Variants in SV2C observed in about 807,000 individuals in gnomAD.
SV2C encodes synaptic vesicle glycoprotein 2C, also known as solute carrier family 22 member B3.
In SV2C, 49 loss-of-function variants were observed where a neutral mutation model predicts 79.7. That is an observed-to-expected ratio of 0.61 (90% CI 0.49 to 0.78). The LOEUF (loss-of-function observed/expected upper bound fraction) is 0.78, where lower values mean the gene tolerates loss of function less well. Among genes scored for constraint, SV2C ranks in the 30% least tolerant of loss-of-function variants. The pLI, the probability that SV2C is intolerant of heterozygous loss-of-function variation, is 0.00. For missense variants in SV2C, 833 were observed against 912.9 expected (o/e 0.91, Z 1.13); for synonymous variants, 334 against 333.2 (o/e 1.00, Z -0.03).
chr5:76,001,736 G>A, the SV2C span, among the ~76,000 whole-genome samples: 14 of 152,152 alleles, frequency 9.2e-5, no homozygotes, highest in Non-Finnish European at 1.9e-4. Flanking sequence ...TTAGTCATTT[G>A]CACTGGAGTT....
chr5:76,234,442 G>T (rs182009021), intron 4 of SV2C, among the ~76,000 whole-genome samples: 1 of 152,132 alleles, frequency 6.6e-6, no homozygotes. Context: ...AAAAGATCTG[G>T]CAAGTTTTCT....
intron 1 of SV2C, among the ~76,000 whole-genome samples, chr5:76,100,795 T>A (rs1378098095): frequency 6.6e-6 from 1 of 152,204 alleles, no homozygotes; most frequent in Non-Finnish European, 1.5e-5. Context: ...ACCTCAGCAC[T>A]ACTGACATTT....
chr5:75,866,809 AG>A, the SV2C span, among the ~76,000 whole-genome samples: 1 of 152,206 alleles, frequency 6.6e-6, no homozygotes, highest in Non-Finnish European at 1.5e-5. Context: ...TTCTAGGCAG[AG>A]GAGGGGCTTA....
chr5:76,288,077 C>A (rs1321820927), intron 6 of SV2C, among the ~76,000 whole-genome samples: 1 of 145,264 alleles, frequency 6.9e-6, no homozygotes, highest in Non-Finnish European at 1.5e-5. Context: ...GAGCACGACT[C>A]CATCTCAAAA....
chr5:76,279,477 C>T lies in SV2C; in HGVS notation c.914-5685C>T, dbSNP rs147400437. On this transcript the variant is annotated intron_variant, in intron 4 of 12. Transcript: ENST00000502798. ...GAAAGCCAGTGAGGTGGGAACGAAACTAGCATGTAGTGATGCAGAAGCCAA... is the reference window on the plus strand; with the variant it reads ...GAAAGCCAGTGAGGTGGGAACGAAATTAGCATGTAGTGATGCAGAAGCCAA... Among the ~76,000 whole-genome samples, 779 of 152,266 alleles carry T rather than the reference C, an allele frequency of 5.1e-3. 8 individuals carry two copies. Among genetic ancestry groups the T allele is most frequent in the African/African-American group, 0.018 (732 of 41,548 alleles).
chr5:76,091,519 T>C (rs1368398746), intron 1 of SV2C, among the ~76,000 whole-genome samples: 1 of 152,210 alleles, frequency 6.6e-6, no homozygotes, highest in Non-Finnish European at 1.5e-5. Context: ...GTGCTGTTGA[T>C]GTCCCTGGAG....
the SV2C span, among the ~76,000 whole-genome samples, chr5:75,892,418 CCTT>C: frequency 6.6e-6 from 1 of 151,632 alleles, no homozygotes; most frequent in Non-Finnish European, 1.5e-5. Context: ...CAAACTTACC[CCTT>C]CTTTTTTTTT....
At chr5:76,185,213 G>A (rs1205161926) in intron 2 of SV2C, among the ~76,000 whole-genome samples, 1 of 152,246 alleles carries the variant, frequency 6.6e-6, no homozygotes, top group African/African-American at 2.4e-5. Context: ...GGGCAGCTCT[G>A]CCCCTGTGGC....
the SV2C span, among the ~76,000 whole-genome samples, chr5:75,907,333 G>A: frequency 3.9e-5 from 6 of 152,202 alleles, no homozygotes; most frequent in Non-Finnish European, 7.3e-5. Flanking sequence ...CTCCAAAGCA[G>A]CACTCTGAGG....
the SV2C span, among the ~76,000 whole-genome samples, chr5:76,073,021 T>C: frequency 6.6e-6 from 1 of 152,228 alleles, no homozygotes; most frequent in South Asian, 2.1e-4. Flanking sequence ...GTATAGATTG[T>C]GAAGATTGTC....
chr5:76,109,158 G>T (rs187773879), intron 1 of SV2C, among the ~76,000 whole-genome samples: 90 of 152,288 alleles, frequency 5.9e-4, no homozygotes, highest in African/African-American at 1.9e-3. Context: ...TATGTTGAAA[G>T]TTTCAGTGAA....
At chr5:76,118,731 C>T (rs1382257723) in intron 1 of SV2C, among the ~76,000 whole-genome samples, 2 of 152,134 alleles carry the variant, frequency 1.3e-5, no homozygotes, top group Non-Finnish European at 2.9e-5. Flanking sequence ...CCTGTAATCC[C>T]AGCACTTTGG....
the SV2C span, among the ~76,000 whole-genome samples, chr5:76,033,028 G>A: frequency 6.6e-6 from 1 of 151,988 alleles, no homozygotes; most frequent in Non-Finnish European, 1.5e-5. Flanking sequence ...TGTGTTTTTT[G>A]GCTGCATAAA....
rs911603610 is a variant in SV2C at position 76,331,211 on chromosome 5, G to A, written c.*5664G>A. The A allele has an allele frequency of 3.9e-5, 6 of 152,198 alleles. No homozygotes were observed. Among genetic ancestry groups the A allele is most frequent in the African/African-American group, 1.4e-4 (6 of 41,430 alleles). 9.4% of individuals were successfully genotyped at this position (152,198 alleles called of 1,614,324 possible). A position where few individuals can be genotyped will look rare whatever the true frequency, so the allele number is the denominator to read the frequency against. On this transcript the variant is annotated 3_prime_UTR_variant, in exon 13 of 13. Transcript: ENST00000502798. ...TTTTCATGGTGTGAAACCAGAGACA[G>A]GAGCTAGGGGGTCTGTTCCCCAGCG...
At chr5:76,105,632 T>A (rs568370212) in intron 1 of SV2C, among the ~76,000 whole-genome samples, 5 of 152,266 alleles carry the variant, frequency 3.3e-5, no homozygotes, top group African/African-American at 1.2e-4. Flanking sequence ...ATTTTACAGT[T>A]CTCTTTTTGC....
At chr5:76,305,722 C>CATTTTT (rs1179243089) in intron 12 of SV2C, among the ~76,000 whole-genome samples, 2 of 152,182 alleles carry the variant, frequency 1.3e-5, no homozygotes, top group East Asian at 3.8e-4. Flanking sequence ...ATGAAACAAC[C>CATTTTT]ATTTTTCCAT....
chr5:75,851,634 A>G, the SV2C span, among the ~76,000 whole-genome samples: 1 of 151,988 alleles, frequency 6.6e-6, no homozygotes, highest in East Asian at 1.9e-4. Flanking sequence ...TCTGGGTGGA[A>G]ACATTGGATC....
chr5:75,966,304 A>G, the SV2C span, among the ~76,000 whole-genome samples: 1 of 152,240 alleles, frequency 6.6e-6, no homozygotes, highest in Non-Finnish European at 1.5e-5. Flanking sequence ...AGAAGCAAGT[A>G]AACCAAAGCT....
At chr5:76,071,824 G>C in the SV2C span, among the ~76,000 whole-genome samples, 1 of 152,316 alleles carries the variant, frequency 6.6e-6, no homozygotes, top group East Asian at 1.9e-4. Flanking sequence ...TGAACATGAA[G>C]ATGATAATTT....
Sources: gnomAD v4.1 joint callset for allele counts (sites outside exome capture counted in the v4.1 genomes callset) on GRCh38, gnomAD v4.1.1 for gene constraint, MANE v1.5 for transcripts, NCBI Gene and HGNC (gene_info 2026-07-23, HGNC 2026-07-21) for gene names.